PCDHGB3: variants seen among roughly 807,000 people sequenced by gnomAD.
The protein encoded by PCDHGB3 is protocadherin gamma-B3.
A neutral mutation model predicts 59.2 loss-of-function variants in PCDHGB3; 40 were observed. That is an observed-to-expected ratio of 0.68 (90% CI 0.52 to 0.88). The LOEUF is 0.88. Among genes scored for constraint, PCDHGB3 ranks in the 40% least tolerant of loss-of-function variants. The pLI, the probability that PCDHGB3 is intolerant of heterozygous loss-of-function variation, is 0.00. For synonymous variants in PCDHGB3, 581 were observed against 503.6 expected (o/e 1.15, Z -2.06); for missense variants, 1,309 against 1,187.9 (o/e 1.10, Z -1.50).
chr5:141,417,893 G>T (rs766340497), intron 1 of PCDHGB3: 2 of 1,572,670 alleles, frequency 1.3e-6, no homozygotes, highest in Admixed American at 1.9e-5. Flanking sequence ...GCGCCGGGCC[G>T]GCCCGCGGCA....
chr5:141,472,183 A>G (rs2099273731), intron 1 of PCDHGB3, among the ~76,000 whole-genome samples: 1 of 152,190 alleles, frequency 6.6e-6, no homozygotes, highest in South Asian at 2.1e-4. Flanking sequence ...CCAGTATTGG[A>G]ATTTGAATCT....
At chr5:141,415,258 C>G (rs1228702476) in intron 1 of PCDHGB3, 1 of 1,614,214 alleles carries the variant, frequency 6.2e-7, no homozygotes, top group Non-Finnish European at 8.5e-7. Context: ...AGACCTCACT[C>G]TGTACCTGGT....
At chr5:141,478,468 C>A (rs2099457906) in intron 1 of PCDHGB3, 2 of 1,613,800 alleles carry the variant, frequency 1.2e-6, no homozygotes, top group Admixed American at 1.7e-5. Flanking sequence ...CACTGGCCAG[C>A]CGCCAGAACA....
chr5:141,405,327 G>A, intron 1 of PCDHGB3: 1 of 1,614,166 alleles, frequency 6.2e-7, no homozygotes. Flanking sequence ...GAGCCTTTGT[G>A]CGTCTCTGTT....
intron 1 of PCDHGB3, chr5:141,388,813 T>G: frequency 6.2e-7 from 1 of 1,613,884 alleles, no homozygotes; most frequent in Non-Finnish European, 8.5e-7. Flanking sequence ...TTTGAAGAAG[T>G]CAAAGAATAT....
chr5:141,399,540 C>A (rs775910113), intron 1 of PCDHGB3: 2 of 1,613,934 alleles, frequency 1.2e-6, no homozygotes, highest in Non-Finnish European at 1.7e-6. Context: ...CGCAAGTCTG[C>A]GCCTCGGACC....
In PCDHGB3 at chr5:141,489,514, C is replaced by T. The variant is rs141377711; in HGVS notation, c.2416-5293C>T. 63 of 1,613,926 alleles carry T rather than the reference C, an allele frequency of 3.9e-5. No homozygotes were observed. The highest frequency in any genetic ancestry group is 6.7e-5 in the Admixed American group (4 of 60,004). ...CCTGGCAGTGAATCAAAAGATTGAC[C>T]GAGAAAGCCTATGTGGAGCCAGCAC... On this transcript the variant is annotated intron_variant, in intron 1 of 3. Coordinates refer to ENST00000576222, the MANE Select transcript of PCDHGB3 (RefSeq NM_018924.5). This position sits in a 1 kb window ranked among gnomAD's most constrained non-coding sequence, Gnocchi z 4.5.
chr5:141,401,189 A>G (rs2094126174), intron 1 of PCDHGB3, among the ~76,000 whole-genome samples: 1 of 152,144 alleles, frequency 6.6e-6, no homozygotes, highest in South Asian at 2.1e-4. Context: ...TAAAAATACA[A>G]AAATTAGCTG....
chr5:141,371,323 A>C lies in PCDHGB3; in HGVS notation c.929A>C (p.Glu310Ala). 3.1e-6 allele frequency: 5 copies of C among 1,614,012 alleles called. No individual in the cohort carries two copies. Among genetic ancestry groups the C allele is most frequent in the Non-Finnish European group, 4.2e-6 (5 of 1,179,886 alleles). ...ACCACTATTGGAGAACTGGACTTTG[A>C]AGAGAGAGATAGCTACACAATTGGG... ...ELTTIGELDF[E>A]ERDSYTIGVE... The change falls in exon 1 of 4, where the codon GAA becomes GCA. Residue 310 changes from glutamate to alanine, a missense_variant. Physicochemically the swap from Glu to Ala is moderately radical, Grantham distance 107. Transcript: ENST00000576222.
At chr5:141,395,345 A>G in intron 1 of PCDHGB3, 1 of 1,399,052 alleles carries the variant, frequency 7.1e-7, no homozygotes, top group South Asian at 1.5e-5. Flanking sequence ...TTTAAGGTGT[A>G]TCACAGAGTT....
At chr5:141,384,945 C>T in intron 1 of PCDHGB3, 2 of 1,614,120 alleles carry the variant, frequency 1.2e-6, no homozygotes, top group Non-Finnish European at 1.7e-6. Context: ...AGCCCTCCGA[C>T]GGTCCTTACA....
In PCDHGB3 at chr5:141,394,836, T is replaced by G. The variant is rs116789057; in HGVS notation, c.2415+22027T>G. On this transcript the variant is annotated intron_variant, in intron 1 of 3. Transcript: ENST00000576222. Reference sequence around the variant, plus strand: ...CAGCATCCCCGAAGTCCTGACCGAGTTGGGCAGTCTGAAGCCTTCGGTCGA... The same window carrying G: ...CAGCATCCCCGAAGTCCTGACCGAGGTGGGCAGTCTGAAGCCTTCGGTCGA... 1,507 of 1,613,748 alleles carry G rather than the reference T, an allele frequency of 9.3e-4. 9 individuals carry two copies. The African/African-American group carries it at 0.016, about 17-fold the overall frequency.
At chr5:141,416,215 A>G (rs969061407) in intron 1 of PCDHGB3, 1 of 152,400 alleles carries the variant, frequency 6.6e-6, no homozygotes, top group Non-Finnish European at 1.5e-5. Flanking sequence ...ATAACAATGT[A>G]TGCTTAGATT....
chr5:141,376,273 T>C (rs765392169), intron 1 of PCDHGB3: 25 of 1,613,968 alleles, frequency 1.5e-5, no homozygotes, highest in Non-Finnish European at 1.9e-5. Context: ...CTTCGGGAGG[T>C]GGCTTAGCGA....
chr5:141,478,323 G>C, intron 1 of PCDHGB3: 1 of 1,613,958 alleles, frequency 6.2e-7, no homozygotes, highest in Non-Finnish European at 8.5e-7. Flanking sequence ...TCACTGTACC[G>C]AACACCAGGG....
chr5:141,443,018 A>G (rs2098358800), intron 1 of PCDHGB3, among the ~76,000 whole-genome samples: 1 of 152,208 alleles, frequency 6.6e-6, no homozygotes, highest in Admixed American at 6.5e-5. Flanking sequence ...TGACTAATGG[A>G]AGTTGCCAGA....
At position 141,398,766 on chromosome 5, in the gene PCDHGB3, T is replaced by A. The variant is rs775055352; in HGVS notation, c.2415+25957T>A. On this transcript the variant is annotated intron_variant, in intron 1 of 3. Coordinates refer to ENST00000576222, the MANE Select transcript of PCDHGB3 (RefSeq NM_018924.5). ...AGAGTTACCATCGTTTAGTCCTGACTGCCTTGGACGGTGGACATCCACCCC... is the reference window on the plus strand; with the variant it reads ...AGAGTTACCATCGTTTAGTCCTGACAGCCTTGGACGGTGGACATCCACCCC... 2.1e-5 allele frequency: 34 copies of A among 1,613,844 alleles called. 1 individual carries two copies. In the South Asian group the frequency reaches 3.1e-4, roughly 15 times the overall value.
At chr5:141,510,349 C>T (rs1461596705) in intron 3 of PCDHGB3, among the ~76,000 whole-genome samples, 1 of 148,468 alleles carries the variant, frequency 6.7e-6, no homozygotes, top group Non-Finnish European at 1.5e-5. Context: ...CACACACTTA[C>T]TAACGGAACT....
At chr5:141,468,140 C>T (rs910524133) in intron 1 of PCDHGB3, among the ~76,000 whole-genome samples, 3 of 151,942 alleles carry the variant, frequency 2.0e-5, no homozygotes, top group African/African-American at 7.2e-5. Flanking sequence ...GCCTGGCCAA[C>T]ATGGTGAAAC....
Sources: gnomAD v4.1 joint callset for allele counts (sites outside exome capture counted in the v4.1 genomes callset) on GRCh38, gnomAD v4.1.1 for gene constraint, Gnocchi (gnomAD v3.1) non-coding constraint, MANE v1.5 for transcripts, NCBI Gene and HGNC (gene_info 2026-07-23, HGNC 2026-07-21) for gene names.